SLA: variants seen among roughly 807,000 people sequenced by gnomAD.
SLA encodes Src like adaptor.
A neutral mutation model predicts 30.3 loss-of-function variants in SLA; 16 were observed. The ratio of observed to expected loss-of-function variants is 0.53; its 90% CI spans 0.36 to 0.80. SLA has a LOEUF of 0.80. Ranked by LOEUF, SLA falls within the 30% of genes least tolerant of loss-of-function variation. The pLI, the probability that SLA is intolerant of heterozygous loss-of-function variation, is 0.01. For missense variants in SLA, 310 were observed against 345.2 expected, an observed-to-expected ratio of 0.90 and a Z score of 0.81; for synonymous variants, 143 against 137.8, an observed-to-expected ratio of 1.04 and a Z score of -0.26.
At chr8:133,047,275 TG>T (rs1233915827) in intron 6 of SLA, 1 of 152,780 alleles carries the variant, frequency 6.5e-6, no homozygotes, top group Non-Finnish European at 1.5e-5. Flanking sequence ...TGATGGTGAC[TG>T]TGTGAGAGGA....
chr8:133,039,813 C>A (rs890757266), intron 8 of SLA, among the ~76,000 whole-genome samples, 185 bp downstream of exon 8: 3 of 152,146 alleles, frequency 2.0e-5, no homozygotes, highest in Non-Finnish European at 2.9e-5. Flanking sequence ...GCTGCCCCTG[C>A]ACCCAGGGAT....
intron 7 of SLA, 50 bp from the exon 8 acceptor site, chr8:133,040,180 C>T: frequency 6.4e-7 from 1 of 1,553,912 alleles, no homozygotes; most frequent in Non-Finnish European, 8.7e-7. Context: ...ACGCCTCAGC[C>T]AGTGTGGGGT....
In SLA at chr8:133,083,184, A is replaced by T. The variant is rs147980361; in HGVS notation, c.-318-8054T>A. 1.8e-4 allele frequency among the ~76,000 whole-genome samples: 28 copies of T among 152,350 alleles called. No individual in the cohort carries two copies. The East Asian group carries it at 4.8e-3, about 26-fold the overall frequency. Reference sequence around the variant, plus strand: ...TTATAACCTGTAAAGCATGGTACAGATGTCAGTTATCATTATTTATTATTG... The same window carrying T: ...TTATAACCTGTAAAGCATGGTACAGTTGTCAGTTATCATTATTTATTATTG... On this transcript the variant is annotated intron_variant, in intron 1 of 8. Transcript: ENST00000338087.
At chr8:133,072,078 T>C (rs1429313591) in intron 2 of SLA, among the ~76,000 whole-genome samples, 1 of 152,166 alleles carries the variant, frequency 6.6e-6, no homozygotes, top group African/African-American at 2.4e-5. Context: ...CAATTCTCAC[T>C]TTCTTCGGAA....
intron 1 of SLA, chr8:133,096,199 A>T (rs943720166): frequency 6.2e-7 from 1 of 1,614,102 alleles, no homozygotes; most frequent in African/African-American, 1.3e-5. Context: ...TGTTGCATCC[A>T]ATGCAGCTCC....
At chr8:133,091,470 T>C (rs7828146) in intron 1 of SLA, among the ~76,000 whole-genome samples, 109,051 of 152,092 alleles carry the variant, frequency 0.72, 39,540 homozygotes, top group Non-Finnish European at 0.75. Flanking sequence ...CCACCCCGCT[T>C]CTTGTTGCTT....
chr8:133,058,330 CA>C (rs1429855393), intron 3 of SLA, among the ~76,000 whole-genome samples: 3 of 152,094 alleles, frequency 2.0e-5, no homozygotes, highest in African/African-American at 7.2e-5. Context: ...TTCTCTTCAC[CA>C]GGGGGTGGAG....
At chr8:133,062,161 G>A (rs1296201751) in intron 2 of SLA, among the ~76,000 whole-genome samples, 6 of 152,178 alleles carry the variant, frequency 3.9e-5, no homozygotes, top group Admixed American at 3.9e-4. Context: ...AAAAGAGGAT[G>A]CCCTTGCAAA....
At chr8:133,045,174 G>A in intron 6 of SLA, 59 bp from the exon 7 acceptor site, 1 of 1,594,674 alleles carries the variant, frequency 6.3e-7, no homozygotes, top group Non-Finnish European at 8.6e-7. Flanking sequence ...AAGGCACCCA[G>A]CTAACCAGCC....
chr8:133,090,373 C>T (rs1847299746), intron 1 of SLA, among the ~76,000 whole-genome samples: 1 of 152,174 alleles, frequency 6.6e-6, no homozygotes, highest in South Asian at 2.1e-4. Context: ...AAGACATAGT[C>T]CTTCCTACCT....
chr8:133,057,778 A>AAC (rs1429477503), intron 3 of SLA, among the ~76,000 whole-genome samples: 7 of 151,866 alleles, frequency 4.6e-5, no homozygotes, highest in Admixed American at 6.6e-5. Flanking sequence ...AAAAAACAAA[A>AAC]AAAAAAAAAC....
chr8:133,092,753 C>G (rs903751650), intron 1 of SLA, among the ~76,000 whole-genome samples: 1 of 152,280 alleles, frequency 6.6e-6, no homozygotes, highest in Admixed American at 6.5e-5. Context: ...CCCCTCCTGC[C>G]CCCGAGTGCT....
chr8:133,099,913 G>T (rs1848994247), intron 1 of SLA, among the ~76,000 whole-genome samples: 1 of 152,118 alleles, frequency 6.6e-6, no homozygotes, highest in South Asian at 2.1e-4. Flanking sequence ...CACCTGCCTT[G>T]CCTCTTATAA....
At chr8:133,070,378 T>C (rs1843819061) in intron 2 of SLA, among the ~76,000 whole-genome samples, 1 of 152,172 alleles carries the variant, frequency 6.6e-6, no homozygotes, top group South Asian at 2.1e-4. Flanking sequence ...TCTCTATTTG[T>C]TTTCAAAACA....
At chr8:133,096,312 T>G (rs1848404982) in intron 1 of SLA, 1 of 1,613,990 alleles carries the variant, frequency 6.2e-7, no homozygotes, top group Non-Finnish European at 8.5e-7. Flanking sequence ...TGGGTAGAGG[T>G]CGATCTGCTC....
Position 133,079,139 on chromosome 8 carries a change from C to T in SLA, c.-318-4009G>A, listed in dbSNP as rs1330908686. ...TAGCAGGTGATGCCCCCACCAAGGA[C>T]GTCAAGTGTAAGCATGGAGTCAGGC... On this transcript the variant is annotated intron_variant, in intron 1 of 8. Coordinates refer to ENST00000338087, the MANE Select transcript of SLA (RefSeq NM_001045556.3). 4.6e-5 allele frequency among the ~76,000 whole-genome samples: 7 copies of T among 152,116 alleles called. No individual in the cohort carries two copies. The East Asian group carries it at 5.8e-4, about 13-fold the overall frequency.
At chr8:133,074,402 G>T (rs1014070139) in intron 2 of SLA, among the ~76,000 whole-genome samples, 1 of 152,106 alleles carries the variant, frequency 6.6e-6, no homozygotes, top group Non-Finnish European at 1.5e-5. Context: ...ACTGGCCTGG[G>T]CACCTAGCAT....
chr8:133,081,868 T>C (rs1845802398), intron 1 of SLA, among the ~76,000 whole-genome samples: 1 of 152,214 alleles, frequency 6.6e-6, no homozygotes, highest in Non-Finnish European at 1.5e-5. Flanking sequence ...TGTGTAAGCC[T>C]TCCTGCCTCT....
At chr8:133,058,295 C>T (rs1442623438) in intron 3 of SLA, among the ~76,000 whole-genome samples, 1 of 152,132 alleles carries the variant, frequency 6.6e-6, no homozygotes, top group East Asian at 1.9e-4. Context: ...TTGCCTGGAT[C>T]ACAAACGGGG....
Sources: allele counts gnomAD v4.1 joint callset (sites outside exome capture counted in the v4.1 genomes callset), GRCh38; gene constraint gnomAD v4.1.1; transcripts MANE v1.5; gene names NCBI Gene and HGNC (gene_info 2026-07-23, HGNC 2026-07-21).